CPA6: variants seen among roughly 807,000 people sequenced by gnomAD.
CPA6 encodes the protein carboxypeptidase B.
A neutral mutation model predicts 63.3 loss-of-function variants in CPA6; 58 were observed. The ratio of observed to expected loss-of-function variants is 0.92; its 90% CI spans 0.74 to 1.14. The LOEUF (loss-of-function observed/expected upper bound fraction) is 1.14, where lower values mean the gene tolerates loss of function less well. CPA6 is among the 50% of genes most tolerant of loss of function. The pLI is 0.00. For missense variants in CPA6, 565 were observed against 526.6 expected, an observed-to-expected ratio of 1.07 and a Z score of -0.71; for synonymous variants, 185 against 179.0, an observed-to-expected ratio of 1.03 and a Z score of -0.27.
intron 1 of CPA6, among the ~76,000 whole-genome samples, chr8:67,685,339 C>T (rs1484131019): frequency 6.6e-6 from 1 of 152,110 alleles, no homozygotes; most frequent in Non-Finnish European, 1.5e-5. Flanking sequence ...AATTGCTGGC[C>T]GGGCGCAGTG....
chr8:67,526,220 T>C (rs530321811), intron 2 of CPA6, among the ~76,000 whole-genome samples: 10 of 152,286 alleles, frequency 6.6e-5, no homozygotes, highest in Non-Finnish European at 1.0e-4. Context: ...AGGAGAGTAA[T>C]TCTGTCATTT....
chr8:67,581,752 A>C (rs900899), intron 2 of CPA6, among the ~76,000 whole-genome samples: 72,508 of 151,974 alleles, frequency 0.48, 19,355 homozygotes, highest in African/African-American at 0.71. Context: ...TCAGAATAGG[A>C]CTTTACTCAA....
intron 2 of CPA6, among the ~76,000 whole-genome samples, chr8:67,597,737 G>C (rs1342238601): frequency 2.6e-5 from 4 of 152,048 alleles, no homozygotes; most frequent in Admixed American, 6.6e-5. Context: ...AACTATTCTT[G>C]CTGCCATTCT....
chr8:67,594,333 A>C (rs1814229554), intron 2 of CPA6, among the ~76,000 whole-genome samples: 2 of 151,790 alleles, frequency 1.3e-5, no homozygotes, highest in South Asian at 4.2e-4. Flanking sequence ...CCTTCATTTC[A>C]ACTTTGGTGA....
intron 1 of CPA6, among the ~76,000 whole-genome samples, chr8:67,671,856 G>A (rs973696244): frequency 2.6e-5 from 4 of 151,960 alleles, no homozygotes; most frequent in Admixed American, 2.6e-4. Context: ...TTTTAGAAGG[G>A]ATTTCACTCT....
intron 2 of CPA6, among the ~76,000 whole-genome samples, chr8:67,537,756 C>T (rs1211310075): frequency 6.6e-6 from 1 of 152,118 alleles, no homozygotes; most frequent in Non-Finnish European, 1.5e-5. Context: ...TCTTGCTTCT[C>T]TAGTTCTTTT....
In CPA6 at chr8:67,746,348, A is replaced by AAGC. The variant is rs144013159; in HGVS notation, c.-222_-220dup. ...TGCTATTACGACTTGGTCTTGGGAC[A>AAGC]AGCAGCAGCAGCAGCAGCAGCAGCT... On this transcript the variant is annotated 5_prime_UTR_variant, in exon 1 of 11. Transcript: ENST00000297770. The AAGC allele has an allele frequency of 7.3e-4, 293 of 403,942 alleles. No homozygotes were observed. The South Asian group carries it at 8.3e-3, about 11-fold the overall frequency. The allele number at this position is 403,942 out of a possible 1,614,324, so 25.0% of individuals were successfully genotyped here. A position where few individuals can be genotyped will look rare whatever the true frequency, so the allele number is the denominator to read the frequency against.
intron 1 of CPA6, among the ~76,000 whole-genome samples, chr8:67,728,456 C>T (rs901579869): frequency 5.3e-5 from 8 of 151,968 alleles, no homozygotes; most frequent in Non-Finnish European, 1.2e-4. Flanking sequence ...CATTTATAGC[C>T]GGCACAAAAG....
rs1810089862 is a variant in CPA6, at chr8:67,434,099, G to C, written c.980C>G (p.Ala327Gly). The change falls in exon 9 of 11, where the codon GCT becomes GGT. Residue 327 changes from alanine to glycine, a missense_variant. By Grantham distance (60) the Ala-to-Gly change is moderately conservative (BLOSUM62 0). Transcript: ENST00000297770. The stretch of plus-strand genomic sequence containing the variant: ...AGAATAGGGATACAGTAACATCTGA[G>C]CATATGCATGAAAGGAGAGATAAGC... ...IRAYLSFHAY[A>G]QMLLYPYSYK... 1 of 1,613,686 alleles carries C rather than the reference G, an allele frequency of 6.2e-7. No homozygotes were observed. The highest frequency in any genetic ancestry group is 1.1e-5 in the South Asian group (1 of 91,074).
chr8:67,481,311 T>G (rs911444700), intron 8 of CPA6, among the ~76,000 whole-genome samples: 1 of 152,232 alleles, frequency 6.6e-6, no homozygotes, highest in South Asian at 2.1e-4. Context: ...TTGATTAACT[T>G]TGGCAAATGA....
At chr8:67,640,026 C>G (rs1404530409) in intron 1 of CPA6, among the ~76,000 whole-genome samples, 1 of 151,344 alleles carries the variant, frequency 6.6e-6, no homozygotes, top group Non-Finnish European at 1.5e-5. Flanking sequence ...CTCTCTGTAG[C>G]TGGTCGTCCC....
At chr8:67,525,424 A>G (rs1222892804) in intron 2 of CPA6, among the ~76,000 whole-genome samples, 1 of 152,214 alleles carries the variant, frequency 6.6e-6, no homozygotes, top group East Asian at 1.9e-4. Context: ...AAATGAAAGC[A>G]TTGCTTAAGA....
chr8:67,675,719 T>C (rs1444212605), intron 1 of CPA6, among the ~76,000 whole-genome samples: 1 of 152,214 alleles, frequency 6.6e-6, no homozygotes, highest in African/African-American at 2.4e-5. Flanking sequence ...AGGGGGCTTT[T>C]TGCAAGCCCT....
intron 1 of CPA6, among the ~76,000 whole-genome samples, chr8:67,698,293 T>A (rs550774956): frequency 6.6e-6 from 1 of 152,160 alleles, no homozygotes; most frequent in African/African-American, 2.4e-5. Flanking sequence ...CCAGAAATGA[T>A]GATTTCATAG....
At chr8:67,618,990 C>A (rs765360129) in intron 2 of CPA6, among the ~76,000 whole-genome samples, 8 of 152,164 alleles carry the variant, frequency 5.3e-5, no homozygotes, top group Non-Finnish European at 1.2e-4. Context: ...TGTTTTAATT[C>A]TTCCGCAAAA....
At chr8:67,438,550 T>G (rs1810215092) in intron 8 of CPA6, among the ~76,000 whole-genome samples, 1 of 152,196 alleles carries the variant, frequency 6.6e-6, no homozygotes, top group South Asian at 2.1e-4. Flanking sequence ...TACCATACAC[T>G]GACATACTTT....
chr8:67,560,016 G>C lies in CPA6; in HGVS notation c.193-41969C>G, dbSNP rs557476701. Among the ~76,000 whole-genome samples the C allele has an allele frequency of 4.6e-5, 7 of 152,006 alleles. No individual in the cohort carries two copies. In the East Asian group the frequency reaches 1.4e-3, roughly 29 times the overall value. On this transcript the variant is annotated intron_variant, in intron 2 of 10. Transcript: ENST00000297770. ...CCCTTACTCAACAGACGTCAAATCT[G>C]TTGGCACCTTGATCTTGGATTACCC...
Position 67,746,348 on chromosome 8 carries a change from AAGC to A in CPA6, c.-222_-220del, listed in dbSNP as rs144013159. The stretch of plus-strand genomic sequence containing the variant: ...TGCTATTACGACTTGGTCTTGGGAC[AAGC>A]AGCAGCAGCAGCAGCAGCAGCTGAG... On this transcript the variant is annotated 5_prime_UTR_variant, in exon 1 of 11. Coordinates refer to ENST00000297770, the MANE Select transcript of CPA6 (RefSeq NM_020361.5). 0.011 allele frequency: 4,477 copies of A among 396,530 alleles called. No homozygotes were observed. Among genetic ancestry groups the A allele is most frequent in the South Asian group, 0.015 (317 of 20,826 alleles). 24.6% of individuals were successfully genotyped at this position (396,530 alleles called of 1,614,324 possible).
rs560231002 is a variant in CPA6, at chr8:67,699,730, G to A, written c.116+46284C>T. On this transcript the variant is annotated intron_variant, in intron 1 of 10. Transcript: ENST00000297770. ...AGCCTCCCGAGTAGCTGGGATTACAGGTGTGCACCACCATGCCCAGCTAAT... is the reference window on the plus strand; with the variant it reads ...AGCCTCCCGAGTAGCTGGGATTACAAGTGTGCACCACCATGCCCAGCTAAT... Among the ~76,000 whole-genome samples, 6 of 152,090 alleles carry A rather than the reference G, an allele frequency of 3.9e-5. No homozygotes were observed. The South Asian group carries it at 8.3e-4, about 21-fold the overall frequency.
Sources: gnomAD v4.1 joint callset for allele counts (sites outside exome capture counted in the v4.1 genomes callset) on GRCh38, gnomAD v4.1.1 for gene constraint, MANE v1.5 for transcripts, NCBI Gene and HGNC (gene_info 2026-07-23, HGNC 2026-07-21) for gene names.